The following EFCAB5 variants were observed in gnomAD, a reference collection of about 807,000 sequenced individuals.
EFCAB5 encodes the protein EF-hand calcium-binding domain-containing protein 5.
In EFCAB5, 131 loss-of-function variants were observed where a neutral mutation model predicts 167.9. That is an observed-to-expected ratio of 0.78 (90% confidence interval 0.68 to 0.90). The LOEUF (loss-of-function observed/expected upper bound fraction) is 0.90, where lower values mean the gene tolerates loss of function less well. Among genes scored for constraint, EFCAB5 ranks in the 40% least tolerant of loss-of-function variants. EFCAB5 has a pLI of 0.00. For synonymous variants in EFCAB5, 574 were observed against 602.8 expected (o/e 0.95, Z 0.70); for missense variants, 1,663 against 1,745.2 (o/e 0.95, Z 0.84).
At chr17:29,986,929 G>T (rs1383745828) in intron 4 of EFCAB5, among the ~76,000 whole-genome samples, 1 of 152,014 alleles carries the variant, frequency 6.6e-6, no homozygotes, top group Admixed American at 6.5e-5. Context: ...TTACAGGCGT[G>T]AGCCACCGCG....
intron 8 of EFCAB5, among the ~76,000 whole-genome samples, chr17:30,038,662 C>G (rs1354269160): frequency 6.6e-6 from 1 of 152,170 alleles, no homozygotes; most frequent in Non-Finnish European, 1.5e-5. Flanking sequence ...CTGGGCAAAG[C>G]AAATTGAAAA....
At chr17:30,086,437 T>C (rs2071089886) in intron 18 of EFCAB5, among the ~76,000 whole-genome samples, 1 of 151,970 alleles carries the variant, frequency 6.6e-6, no homozygotes, top group Non-Finnish European at 1.5e-5. Flanking sequence ...GAGAGTGTCG[T>C]CCCAATAGCG....
chr17:30,028,563 C>G (rs916290524), intron 7 of EFCAB5, among the ~76,000 whole-genome samples: 2 of 152,184 alleles, frequency 1.3e-5, no homozygotes, highest in East Asian at 3.9e-4. Flanking sequence ...GAACTACCCT[C>G]CAATTGGATG....
In EFCAB5 at chr17:30,082,966, G is replaced by A. The variant is rs1417264682; in HGVS notation, c.3502G>A (p.Gly1168Ser). 6.2e-7 allele frequency: 1 copy of A among 1,613,938 alleles called. No homozygotes were observed. Among genetic ancestry groups the A allele is most frequent in the Admixed American group, 1.7e-5 (1 of 60,022 alleles). Residue 1168 changes from glycine to serine, a missense_variant, in exon 18 of 23, where the codon GGC (glycine) becomes AGC (serine). Transcript: ENST00000394835. ...REHILHIVIT[G>S]IGWLYDVTSS... ...GCACATTCTGCATATTGTGATCACT[G>A]GCATAGGCTGGCTTTATGACGTCAC...
chr17:30,063,514 CT>C (rs2070481786), intron 14 of EFCAB5, among the ~76,000 whole-genome samples: 1 of 152,208 alleles, frequency 6.6e-6, no homozygotes, highest in South Asian at 2.1e-4. Flanking sequence ...ACAGCCCAGC[CT>C]CCTGGGCTCA....
intron 22 of EFCAB5, among the ~76,000 whole-genome samples, chr17:30,102,318 G>T (rs2151860264): frequency 6.6e-6 from 1 of 152,128 alleles, no homozygotes; most frequent in African/African-American, 2.4e-5. Flanking sequence ...TTAAATATTG[G>T]TGTTTCTTTT....
Position 30,104,041 on chromosome 17 carries a change from C to T in EFCAB5, c.4322-3793C>T, listed in dbSNP as rs1170964635. ...AGAAAAGAAAAGAAATTTGCATACA[C>T]ATACCCTTCTATTGCTGCAAGGACC... On this transcript the variant is annotated intron_variant, in intron 22 of 22. Coordinates refer to ENST00000394835, the MANE Select transcript of EFCAB5 (RefSeq NM_198529.4). Among the ~76,000 whole-genome samples, 3 of 152,150 alleles carry T rather than the reference C, an allele frequency of 2.0e-5. No homozygotes were observed. In the East Asian group the frequency reaches 5.8e-4, roughly 29 times the overall value.
At chr17:29,943,473 G>A in intron 2 of EFCAB5, 92 bp from the exon 3 acceptor site, 1 of 1,105,696 alleles carries the variant, frequency 9.0e-7, no homozygotes, top group Non-Finnish European at 1.3e-6. Context: ...CTCTTACAAA[G>A]CAATTAACTT....
intron 4 of EFCAB5, among the ~76,000 whole-genome samples, chr17:29,970,108 T>C (rs2151580761): frequency 6.6e-6 from 1 of 152,354 alleles, no homozygotes; most frequent in Admixed American, 6.5e-5. Context: ...TCATTTGGAA[T>C]TTAACCTACT....
At chr17:29,935,234 A>G (rs1360887340) in intron 1 of EFCAB5, among the ~76,000 whole-genome samples, 1 of 152,172 alleles carries the variant, frequency 6.6e-6, no homozygotes, top group Non-Finnish European at 1.5e-5. Context: ...TACTAACTTC[A>G]TTTAACTGTG....
At chr17:30,015,814 A>G (rs2069025991) in intron 7 of EFCAB5, among the ~76,000 whole-genome samples, 1 of 138,028 alleles carries the variant, frequency 7.2e-6, no homozygotes, top group Non-Finnish European at 1.5e-5. Flanking sequence ...CCCAGGTTGG[A>G]GTGCAATGGT....
At chr17:30,034,907 A>T (rs2069576919) in intron 8 of EFCAB5, among the ~76,000 whole-genome samples, 1 of 152,212 alleles carries the variant, frequency 6.6e-6, no homozygotes, top group Admixed American at 6.5e-5. Flanking sequence ...TTCAAATTAT[A>T]GTTAGGAGCT....
At chr17:29,988,134 G>A (rs574663824) in intron 4 of EFCAB5, among the ~76,000 whole-genome samples, 1 of 152,300 alleles carries the variant, frequency 6.6e-6, no homozygotes, top group East Asian at 1.9e-4. Context: ...TTGTGAAAGT[G>A]TCTAGCATTA....
At chr17:30,009,696 A>C (rs1285185365) in intron 7 of EFCAB5, among the ~76,000 whole-genome samples, 2 of 152,020 alleles carry the variant, frequency 1.3e-5, no homozygotes, top group Non-Finnish European at 2.9e-5. Flanking sequence ...CACTATGAAC[A>C]TTTGTGCCTA....
intron 8 of EFCAB5, among the ~76,000 whole-genome samples, chr17:30,036,977 A>G (rs2069646059): frequency 6.6e-6 from 1 of 152,166 alleles, no homozygotes. Flanking sequence ...CTGATCTCCC[A>G]TTCCTGAGCT....
chr17:29,994,133 A>AATATATATATATATAT (rs55875315), intron 5 of EFCAB5, among the ~76,000 whole-genome samples: 29 of 55,852 alleles, frequency 5.2e-4, no homozygotes, highest in East Asian at 2.0e-3. Flanking sequence ...AACAACAACA[A>AATATATATATATATAT]ATATATATAT....
chr17:29,974,354 C>A (rs2068021378), intron 4 of EFCAB5, among the ~76,000 whole-genome samples: 2 of 151,872 alleles, frequency 1.3e-5, no homozygotes, highest in Admixed American at 1.3e-4. Context: ...GCCTGGGCAA[C>A]ATAGCAAGAC....
chr17:30,100,076 A>G (rs1296322631), intron 22 of EFCAB5, among the ~76,000 whole-genome samples: 1 of 152,126 alleles, frequency 6.6e-6, no homozygotes, highest in Non-Finnish European at 1.5e-5. Context: ...TCTGGGATAT[A>G]CAGAAGGTTG....
At chr17:30,094,531 AAAAT>A (rs2071260142) in intron 22 of EFCAB5, among the ~76,000 whole-genome samples, 2 of 148,640 alleles carry the variant, frequency 1.3e-5, no homozygotes, top group African/African-American at 5.1e-5. Flanking sequence ...AAAAAAAAAA[AAAAT>A]AACTGGGTGT....
Sources: gnomAD v4.1 joint callset for allele counts (sites outside exome capture counted in the v4.1 genomes callset) on GRCh38, gnomAD v4.1.1 for gene constraint, MANE v1.5 for transcripts, NCBI Gene and HGNC (gene_info 2026-07-23, HGNC 2026-07-21) for gene names.